The following PRKCB variants were observed in gnomAD, a reference collection of about 807,000 sequenced individuals.
PRKCB encodes protein kinase C beta, also known as protein kinase C beta type.
A neutral mutation model predicts 81.5 loss-of-function variants in PRKCB; 13 were observed. The ratio of observed to expected loss-of-function variants is 0.16; its 90% CI spans 0.10 to 0.25. The LOEUF (loss-of-function observed/expected upper bound fraction) is 0.25. Ranked by LOEUF, PRKCB falls within the 10% of genes least tolerant of loss-of-function variation. The pLI, the probability that PRKCB is intolerant of heterozygous loss-of-function variation, is 1.00. For missense variants in PRKCB, 509 were observed against 875.7 expected (o/e 0.58, Z 5.29); for synonymous variants, 335 against 321.4 (o/e 1.04, Z -0.45).
chr16:24,134,460 G>A (rs2141938079), intron 9 of PRKCB, among the ~76,000 whole-genome samples: 2 of 152,204 alleles, frequency 1.3e-5, no homozygotes, highest in South Asian at 4.1e-4. Context: ...AAATTAGCCA[G>A]ACACAGCTGG....
intron 2 of PRKCB, among the ~76,000 whole-genome samples, chr16:23,978,532 T>C (rs1254902013): frequency 4.6e-5 from 7 of 152,280 alleles, no homozygotes; most frequent in Admixed American, 3.3e-4. Context: ...GTGGACTGCA[T>C]GGGATGGGCT....
At chr16:23,891,032 A>G (rs1178367299) in intron 2 of PRKCB, among the ~76,000 whole-genome samples, 1 of 145,018 alleles carries the variant, frequency 6.9e-6, no homozygotes, top group Middle Eastern at 3.2e-3. Context: ...TATATATATA[A>G]TGTGTGTGTA....
chr16:24,096,833 G>T (rs945717217), intron 7 of PRKCB, among the ~76,000 whole-genome samples: 1 of 150,876 alleles, frequency 6.6e-6, no homozygotes, highest in Non-Finnish European at 1.5e-5. Context: ...TGGCAATTGG[G>T]CTGCTATTAC....
rs570857708 is a variant in PRKCB at position 23,888,294 on chromosome 16, G to T, written c.205+50888G>T. 1.6e-4 allele frequency among the ~76,000 whole-genome samples: 25 copies of T among 152,306 alleles called. No homozygotes were observed. The South Asian group carries it at 5.2e-3, about 32-fold the overall frequency. On this transcript the variant is annotated intron_variant, in intron 2 of 16. Coordinates refer to ENST00000643927, the MANE Select transcript of PRKCB (RefSeq NM_002738.7). ...AGACACTTGGACCAAACAGCGGAAG[G>T]CACAGCTTGGCTCAGCTAAAGGAAG...
Position 24,021,329 on chromosome 16 carries a change from T to C in PRKCB, c.289-10807T>C, listed in dbSNP as rs185233781. On this transcript the variant is annotated intron_variant, in intron 3 of 16. Transcript: ENST00000643927. ...TTCCTTCCTTCCTTCCTTCCTTCCTTCCTTCCTTCCTTCCTTCCTTCCTTC... is the reference window on the plus strand; with the variant it reads ...TTCCTTCCTTCCTTCCTTCCTTCCTCCCTTCCTTCCTTCCTTCCTTCCTTC... Among the ~76,000 whole-genome samples, 60 of 43,236 alleles carry C rather than the reference T, an allele frequency of 1.4e-3. 1 individual carries two copies. Among genetic ancestry groups the C allele is most frequent in the East Asian group, 4.9e-3 (6 of 1,232 alleles). 28.4% of individuals were successfully genotyped at this position (43,236 alleles called of 152,430 possible).
intron 2 of PRKCB, among the ~76,000 whole-genome samples, chr16:23,907,095 G>C (rs1190920479): frequency 6.6e-6 from 1 of 152,174 alleles, no homozygotes; most frequent in Non-Finnish European, 1.5e-5. Context: ...ATAGGTCTTT[G>C]TTGGAGCCTG....
At chr16:23,982,703 A>G (rs1964754727) in intron 2 of PRKCB, among the ~76,000 whole-genome samples, 1 of 152,128 alleles carries the variant, frequency 6.6e-6, no homozygotes, top group African/African-American at 2.4e-5. Context: ...TGCTAGGATT[A>G]TAGGTGTGAG....
chr16:24,219,899 G>GT lies in PRKCB; in HGVS notation c.*5084dup. ...TGGTATCAGCCACCCAATGACTGGCGTATCTTGGTCCTGTGTCTTTCTTCT... is the reference window on the plus strand; with the variant it reads ...TGGTATCAGCCACCCAATGACTGGCGTTATCTTGGTCCTGTGTCTTTCTTCT... On this transcript the variant is annotated 3_prime_UTR_variant, in exon 17 of 17. Transcript: ENST00000643927. The GT allele has an allele frequency of 6.4e-7, 1 of 1,574,050 alleles. No individual in the cohort carries two copies. Among genetic ancestry groups the GT allele is most frequent in the South Asian group, 1.2e-5 (1 of 85,838 alleles).
intron 8 of PRKCB, among the ~76,000 whole-genome samples, chr16:24,121,740 T>A (rs1329700218): frequency 6.6e-6 from 1 of 152,204 alleles, no homozygotes; most frequent in African/African-American, 2.4e-5. Flanking sequence ...AAAGATTTAT[T>A]TTGCCTCTTT....
chr16:23,882,740 A>G (rs1196345741), intron 2 of PRKCB, among the ~76,000 whole-genome samples: 2 of 140,764 alleles, frequency 1.4e-5, no homozygotes, highest in African/African-American at 5.3e-5. Context: ...GAACATGGGT[A>G]TACAAATATC....
intron 5 of PRKCB, among the ~76,000 whole-genome samples, chr16:24,048,757 C>G (rs1965798180): frequency 6.6e-6 from 1 of 152,110 alleles, no homozygotes; most frequent in Non-Finnish European, 1.5e-5. Flanking sequence ...GCTGGGATTA[C>G]AGGTGTGAGT....
intron 3 of PRKCB, among the ~76,000 whole-genome samples, chr16:24,012,275 C>T (rs901248318): frequency 3.3e-5 from 5 of 152,230 alleles, no homozygotes; most frequent in African/African-American, 1.2e-4. Flanking sequence ...ATTTAATCCT[C>T]ACCCTATGAG....
chr16:24,132,771 C>CTCTTTTT lies in PRKCB; in HGVS notation c.1065+8791_1065+8792insCTTTTTT, dbSNP rs1476624243. Among the ~76,000 whole-genome samples the CTCTTTTT allele has an allele frequency of 4.0e-4, 40 of 100,950 alleles. 1 individual carries two copies. The highest frequency in any genetic ancestry group is 1.7e-3 in the African/African-American group (38 of 22,872). The allele number at this position is 100,950 out of a possible 152,430, so 66.2% of individuals were successfully genotyped here. A position where few individuals can be genotyped will look rare whatever the true frequency, so the allele number is the denominator to read the frequency against. On this transcript the variant is annotated intron_variant, in intron 9 of 16. Coordinates refer to ENST00000643927, the MANE Select transcript of PRKCB (RefSeq NM_002738.7). ...TGATTTAGATGTGTATGATTTGGGG[C>CTCTTTTT]TTTTTTTTTTTTTTTTTTTTTCTTC...
intron 2 of PRKCB, among the ~76,000 whole-genome samples, chr16:23,854,443 TG>T (rs1962527943): frequency 6.6e-6 from 1 of 152,154 alleles, no homozygotes; most frequent in African/African-American, 2.4e-5. Flanking sequence ...CTGTCTGATC[TG>T]GGCAGGGATT....
chr16:24,077,224 G>A (rs1482300116), intron 5 of PRKCB, among the ~76,000 whole-genome samples: 1 of 152,126 alleles, frequency 6.6e-6, no homozygotes, highest in East Asian at 1.9e-4. Context: ...GTGAAGAATG[G>A]AGGGATGTGG....
chr16:24,016,664 C>T (rs1327445203), intron 3 of PRKCB, among the ~76,000 whole-genome samples: 1 of 151,812 alleles, frequency 6.6e-6, no homozygotes, highest in Non-Finnish European at 1.5e-5. Flanking sequence ...TAGGCCCCAA[C>T]TAAGAGAGTT....
intron 2 of PRKCB, among the ~76,000 whole-genome samples, chr16:23,873,094 G>A (rs1277672376): frequency 1.3e-5 from 2 of 150,590 alleles, no homozygotes; most frequent in East Asian, 1.9e-4. Context: ...TTGGGAGGTC[G>A]AGGTGGGTGG....
At chr16:24,123,726 A>G in intron 8 of PRKCB, 109 bp from the exon 9 acceptor site, 1 of 1,157,786 alleles carries the variant, frequency 8.6e-7, no homozygotes, top group Non-Finnish European at 1.2e-6. Flanking sequence ...TTTCATGGGG[A>G]CAGGGTGCCG....
chr16:24,200,140 T>C (rs955736146), intron 16 of PRKCB, among the ~76,000 whole-genome samples: 12 of 152,224 alleles, frequency 7.9e-5, no homozygotes, highest in African/African-American at 2.7e-4. Context: ...AAAGACGGCA[T>C]GCATTGACTA....
Sources: allele counts gnomAD v4.1 joint callset (sites outside exome capture counted in the v4.1 genomes callset), GRCh38; gene constraint gnomAD v4.1.1; transcripts MANE v1.5; gene names NCBI Gene and HGNC (gene_info 2026-07-23, HGNC 2026-07-21).